DNM3: variants seen among roughly 807,000 people sequenced by gnomAD.
The protein encoded by DNM3 is dynamin 3.
DNM3 carries 47 observed loss-of-function variants against 101.6 expected under a neutral mutation model. The observed-to-expected ratio is 0.46, with a 90% confidence interval of 0.37 to 0.59. The LOEUF (loss-of-function observed/expected upper bound fraction) is 0.59. DNM3 is among the 20% of genes least tolerant of loss of function. DNM3 has a pLI of 0.00. For missense variants in DNM3, 849 were observed against 1,085.7 expected (o/e 0.78, Z 3.06); for synonymous variants, 385 against 387.9 (o/e 0.99, Z 0.09).
intron 2 of DNM3, among the ~76,000 whole-genome samples, chr1:171,949,082 G>A (rs2042342786): frequency 6.6e-6 from 1 of 152,016 alleles, no homozygotes; most frequent in African/African-American, 2.4e-5. Context: ...ATTTTCATGA[G>A]ATAAATCACT....
At chr1:172,138,987 G>C (rs934844237) in intron 14 of DNM3, 4 of 466,138 alleles carry the variant, frequency 8.6e-6, no homozygotes, top group Non-Finnish European at 1.8e-5. Flanking sequence ...TGGAGAGTAA[G>C]GGGAAAGGGA....
At chr1:171,981,762 A>G (rs1400195418) in intron 2 of DNM3, among the ~76,000 whole-genome samples, 1 of 152,248 alleles carries the variant, frequency 6.6e-6, no homozygotes, top group African/African-American at 2.4e-5. Flanking sequence ...AAAAACAGAA[A>G]ATAATCAAAA....
At chr1:171,958,449 T>A (rs1044390953) in intron 2 of DNM3, among the ~76,000 whole-genome samples, 1 of 152,226 alleles carries the variant, frequency 6.6e-6, no homozygotes, top group Non-Finnish European at 1.5e-5. Flanking sequence ...GTGATGTTCC[T>A]GAAAGTGAGT....
intron 4 of DNM3, among the ~76,000 whole-genome samples, chr1:171,994,333 T>C (rs762491369): frequency 5.9e-5 from 9 of 152,218 alleles, no homozygotes; most frequent in Non-Finnish European, 1.5e-5. Context: ...CTATATTCTT[T>C]GTCGTGTGTG....
intron 16 of DNM3, among the ~76,000 whole-genome samples, chr1:172,315,371 G>C (rs549822713): frequency 4.7e-4 from 71 of 152,328 alleles, no homozygotes; most frequent in South Asian, 2.5e-3. Flanking sequence ...ACCAGCAACG[G>C]AACAAAGCTG....
At chr1:172,116,988 C>T (rs894996081) in intron 13 of DNM3, among the ~76,000 whole-genome samples, 5 of 151,982 alleles carry the variant, frequency 3.3e-5, no homozygotes, top group African/African-American at 1.2e-4. Flanking sequence ...GGCGGATCAC[C>T]TGAGGTTGGG....
At chr1:172,188,561 G>A (rs1225866516) in intron 14 of DNM3, among the ~76,000 whole-genome samples, 1 of 151,950 alleles carries the variant, frequency 6.6e-6, no homozygotes, top group East Asian at 1.9e-4. Context: ...ACCACAGTTT[G>A]TTTACCCATT....
chr1:172,298,538 C>T (rs2148837926), intron 15 of DNM3, among the ~76,000 whole-genome samples: 1 of 152,258 alleles, frequency 6.6e-6, no homozygotes. Flanking sequence ...TTTGCTGGTT[C>T]TTGTCCTAAA....
At chr1:171,905,687 G>T (rs1017995341) in intron 1 of DNM3, among the ~76,000 whole-genome samples, 2 of 152,162 alleles carry the variant, frequency 1.3e-5, no homozygotes, top group African/African-American at 4.8e-5. Context: ...ACATAATGAG[G>T]TGGTTAAAAG....
At chr1:172,053,629 C>T (rs1159962875) in intron 10 of DNM3, among the ~76,000 whole-genome samples, 1 of 152,090 alleles carries the variant, frequency 6.6e-6, no homozygotes, top group Non-Finnish European at 1.5e-5. Flanking sequence ...TAAATATTTA[C>T]TAACAATTTA....
chr1:171,865,414 G>T (rs2034622462), intron 1 of DNM3, among the ~76,000 whole-genome samples: 1 of 150,736 alleles, frequency 6.6e-6, no homozygotes, highest in Non-Finnish European at 1.5e-5. Context: ...TGCTTGAGAG[G>T]CTGAGACTGG....
intron 1 of DNM3, among the ~76,000 whole-genome samples, chr1:171,866,209 A>G (rs2034729202): frequency 6.7e-6 from 1 of 150,040 alleles, no homozygotes; most frequent in Non-Finnish European, 1.5e-5. Context: ...GTCATTCTAA[A>G]TACTCTTGAC....
intron 1 of DNM3, among the ~76,000 whole-genome samples, chr1:171,866,145 A>G (rs961267899): frequency 6.6e-6 from 1 of 152,016 alleles, no homozygotes; most frequent in Admixed American, 6.6e-5. Context: ...TGCCTGATTT[A>G]TCCTAATAAC....
Position 171,995,746 on chromosome 1 carries a change from A to T in DNM3, c.589+6598A>T, listed in dbSNP as rs909711938. Among the ~76,000 whole-genome samples the T allele has an allele frequency of 3.9e-5, 6 of 152,170 alleles. 1 individual carries two copies. Among genetic ancestry groups the T allele is most frequent in the African/African-American group, 7.2e-5 (3 of 41,454 alleles). ...GTGGCCTGTTCTCACCACTTAATGT[A>T]CATCTTTCCTGATATTTTGCCCTTG... On this transcript the variant is annotated intron_variant, in intron 4 of 20. Transcript: ENST00000627582.
At chr1:172,142,735 G>GAAA (rs2057651858) in intron 14 of DNM3, among the ~76,000 whole-genome samples, 1 of 135,154 alleles carries the variant, frequency 7.4e-6, no homozygotes, top group Non-Finnish European at 1.6e-5. Context: ...CATTTCTAGA[G>GAAA]TAAAAAAAAA....
rs1264215762 is a variant in DNM3 at position 172,319,946 on chromosome 1, A to G, written c.1882-3383A>G. Among the ~76,000 whole-genome samples the G allele has an allele frequency of 2.0e-5, 3 of 152,216 alleles. No individual in the cohort carries two copies. The East Asian group carries it at 5.8e-4, about 29-fold the overall frequency. Reference sequence around the variant, plus strand: ...ACACATGCACACATATGTTTATTGCAGCACTACTCACAATAGCAAAGACTT... The same window carrying G: ...ACACATGCACACATATGTTTATTGCGGCACTACTCACAATAGCAAAGACTT... On this transcript the variant is annotated intron_variant, in intron 16 of 20. Transcript: ENST00000627582.
At chr1:171,927,598 A>G (rs2040679517) in intron 2 of DNM3, among the ~76,000 whole-genome samples, 1 of 152,242 alleles carries the variant, frequency 6.6e-6, no homozygotes, top group African/African-American at 2.4e-5. Flanking sequence ...ACAATAGCAG[A>G]CATGAAATCT....
intron 4 of DNM3, among the ~76,000 whole-genome samples, chr1:172,010,844 C>T (rs10797710): frequency 0.2 from 30,327 of 150,994 alleles, 3,344 homozygotes; most frequent in East Asian, 0.41. Context: ...GAATTTTGTG[C>T]GTATTTGTAA....
At chr1:172,243,313 G>A (rs1023733254) in intron 14 of DNM3, among the ~76,000 whole-genome samples, 2 of 152,076 alleles carry the variant, frequency 1.3e-5, no homozygotes, top group Non-Finnish European at 2.9e-5. Flanking sequence ...TGCATTTCAA[G>A]GATATTAGCT....
Sources: allele counts gnomAD v4.1 joint callset (sites outside exome capture counted in the v4.1 genomes callset), GRCh38; gene constraint gnomAD v4.1.1; transcripts MANE v1.5; gene names NCBI Gene and HGNC (gene_info 2026-07-23, HGNC 2026-07-21).